HSD17B14: variants seen among roughly 807,000 people sequenced by gnomAD.
HSD17B14 encodes the protein L-fucose dehydrogenase.
Under a neutral mutation model 32.2 loss-of-function variants are expected in HSD17B14, and 32 were observed. The ratio of observed to expected loss-of-function variants is 0.99; its 90% CI spans 0.75 to 1.33. HSD17B14 has a LOEUF of 1.33. Ranked by LOEUF, HSD17B14 falls within the 40% of genes most tolerant of loss-of-function variation. The probability of loss-of-function intolerance (pLI) is 0.00; values close to 1 mark genes in which losing one functional copy is unlikely to be tolerated. For synonymous variants in HSD17B14, 140 were observed against 155.4 expected (o/e 0.90, Z 0.74); for missense variants, 370 against 366.5 (o/e 1.01, Z -0.08).
chr19:48,835,719 G>C, intron 2 of HSD17B14, 86 bp downstream of exon 2: 2 of 1,370,016 alleles, frequency 1.5e-6, no homozygotes, highest in South Asian at 2.3e-5. Context: ...TGGACTCCGG[G>C]GTCTGAGGGA....
At chr19:48,833,490 G>A (rs924471991) in intron 3 of HSD17B14, among the ~76,000 whole-genome samples, 7 of 152,018 alleles carry the variant, frequency 4.6e-5, no homozygotes, top group South Asian at 2.1e-4. Flanking sequence ...TCAGGAGTTC[G>A]AGACCAGCCT....
chr19:48,827,863 T>TC (rs1163792034), intron 5 of HSD17B14, among the ~76,000 whole-genome samples: 1 of 143,078 alleles, frequency 7.0e-6, no homozygotes, highest in Non-Finnish European at 1.5e-5. Context: ...TTTTTTCTTT[T>TC]TTTTTTTTTG....
At chr19:48,832,464 G>T (rs959845908) in intron 4 of HSD17B14, among the ~76,000 whole-genome samples, 29 of 152,126 alleles carry the variant, frequency 1.9e-4, no homozygotes, top group Admixed American at 1.9e-3. Flanking sequence ...CAGCCCTGGG[G>T]ACACACAGGA....
intron 5 of HSD17B14, among the ~76,000 whole-genome samples, chr19:48,822,289 G>C (rs1166238284): frequency 4.0e-5 from 6 of 151,498 alleles, no homozygotes; most frequent in Admixed American, 1.3e-4. Flanking sequence ...TGATGAGGAT[G>C]GTGATGGTGG....
chr19:48,832,607 G>A (rs2122798138), intron 4 of HSD17B14, 59 bp downstream of exon 4: 1 of 1,442,568 alleles, frequency 6.9e-7, no homozygotes, highest in Non-Finnish European at 9.7e-7. Context: ...AAACTGACGT[G>A]CAGGAAACAG....
chr19:48,832,596 G>C (rs2035358731), intron 4 of HSD17B14, 70 bp downstream of exon 4: 2 of 1,357,080 alleles, frequency 1.5e-6, no homozygotes, highest in Non-Finnish European at 2.1e-6. Flanking sequence ...AGGGAGTGGG[G>C]AAACTGACGT....
At position 48,816,022 on chromosome 19, in the gene HSD17B14, G is replaced by GAAA. The variant is rs71179053; in HGVS notation, c.370-884_370-882dup. ...GGCAACAGAGCAAGACTCCGTTTCA[G>GAAA]AAAAAAAAAAAAAAAAAAAAAGAAA... On this transcript the variant is annotated intron_variant, in intron 5 of 8. Coordinates refer to ENST00000263278, the MANE Select transcript of HSD17B14 (RefSeq NM_016246.3). 5.5e-4 allele frequency among the ~76,000 whole-genome samples: 41 copies of GAAA among 74,308 alleles called. 1 individual carries two copies. The South Asian group carries it at 9.4e-3, about 17-fold the overall frequency. 48.7% of individuals were successfully genotyped at this position (74,308 alleles called of 152,430 possible). A position where few individuals can be genotyped will look rare whatever the true frequency, so the allele number is the denominator to read the frequency against.
chr19:48,813,404 C>T, intron 8 of HSD17B14, 52 bp downstream of exon 8: 1 of 1,555,820 alleles, frequency 6.4e-7, no homozygotes, highest in Non-Finnish European at 8.7e-7. Flanking sequence ...GATCGCCATG[C>T]CCCCCACCCC....
At chr19:48,832,574 G>A (rs950373327) in intron 4 of HSD17B14, 92 bp downstream of exon 4, 4 of 1,110,960 alleles carry the variant, frequency 3.6e-6, no homozygotes, top group African/African-American at 1.5e-5. Context: ...GCAGGATGAG[G>A]GAATCAGGGG....
At chr19:48,820,265 A>C (rs1393368344) in intron 5 of HSD17B14, among the ~76,000 whole-genome samples, 1 of 152,012 alleles carries the variant, frequency 6.6e-6, no homozygotes, top group Admixed American at 6.6e-5. Flanking sequence ...CCTAAGGTCA[A>C]GAGTTCGAGA....
intron 3 of HSD17B14, among the ~76,000 whole-genome samples, chr19:48,834,008 T>C (rs1474576008): frequency 6.6e-6 from 1 of 151,804 alleles, no homozygotes; most frequent in East Asian, 1.9e-4. Context: ...TCAGTTCCAG[T>C]TGACCCACTT....
intron 5 of HSD17B14, among the ~76,000 whole-genome samples, chr19:48,818,884 A>G (rs2035100297): frequency 6.6e-6 from 1 of 152,192 alleles, no homozygotes; most frequent in Non-Finnish European, 1.5e-5. Flanking sequence ...TTTGGGAGCA[A>G]TGAGGCCAGT....
At chr19:48,814,462 C>T (rs1278762043) in intron 6 of HSD17B14, among the ~76,000 whole-genome samples, 1 of 151,726 alleles carries the variant, frequency 6.6e-6, no homozygotes, top group Non-Finnish European at 1.5e-5. Context: ...GCGGAGGTTG[C>T]AGTGAGCCAA....
intron 3 of HSD17B14, among the ~76,000 whole-genome samples, chr19:48,833,532 A>G (rs1051231499): frequency 6.6e-6 from 1 of 151,752 alleles, no homozygotes; most frequent in African/African-American, 2.4e-5. Flanking sequence ...TCTCTACTAA[A>G]ACTACAAAAA....
chr19:48,816,303 C>G (rs1028634069), intron 5 of HSD17B14, among the ~76,000 whole-genome samples: 3 of 152,154 alleles, frequency 2.0e-5, no homozygotes, highest in Admixed American at 2.0e-4. Context: ...TAAATGAGCT[C>G]CCTGCCCGGT....
In HSD17B14 at chr19:48,813,245, C is replaced by G; in HGVS notation, c.743G>C (p.Gly248Ala). The change falls in exon 9 of 9, where the codon GGT (glycine) becomes GCT (alanine). Residue 248 changes from glycine (G) to alanine (A), a missense_variant. Transcript: ENST00000263278. ...CTGIELLVTG[G>A]AELGYGCKAS... is the part of the protein sequence containing the mutation. ...CTTGCACCCGTACCCCAGCTCTGCA[C>G]CCCCCGTCACGAGCAGTTCAATGCC... The G allele has an allele frequency of 1.2e-6, 2 of 1,608,670 alleles. No individual in the cohort carries two copies. The highest frequency in any genetic ancestry group is 1.3e-5 in the African/African-American group (1 of 74,950).
rs577870688 is a variant in HSD17B14 at position 48,816,376 on chromosome 19, G to A, written c.370-1235C>T. On this transcript the variant is annotated intron_variant, in intron 5 of 8. Transcript: ENST00000263278. ...TCCCAAACGACCTCCACCCTTTTCCGTGCTGTATCTTCGACACACCCTGCG... is the reference window on the plus strand; with the variant it reads ...TCCCAAACGACCTCCACCCTTTTCCATGCTGTATCTTCGACACACCCTGCG... Among the ~76,000 whole-genome samples the A allele has an allele frequency of 9.8e-4, 149 of 152,098 alleles. 1 individual carries two copies. The highest frequency in any genetic ancestry group is 3.4e-3 in the African/African-American group (143 of 41,500).
chr19:48,825,958 C>T (rs1256781112), intron 5 of HSD17B14, among the ~76,000 whole-genome samples: 1 of 152,002 alleles, frequency 6.6e-6, no homozygotes, highest in Admixed American at 6.6e-5. Flanking sequence ...GTAGCTGGGA[C>T]TACAGGCACC....
intron 6 of HSD17B14, 70 bp downstream of exon 6, chr19:48,814,967 T>C (rs45580433): frequency 0.078 from 92,957 of 1,196,818 alleles, 4,444 homozygotes; most frequent in Non-Finnish European, 0.097. Flanking sequence ...GGCTCCTAAG[T>C]TGTCTGGACT....
Sources: allele counts gnomAD v4.1 joint callset (sites outside exome capture counted in the v4.1 genomes callset), GRCh38; gene constraint gnomAD v4.1.1; transcripts MANE v1.5; gene names NCBI Gene and HGNC (gene_info 2026-07-23, HGNC 2026-07-21).